VMP1: variants seen among roughly 807,000 people sequenced by gnomAD.
VMP1 encodes the protein vacuole membrane protein 1, also known as ectopic P-granules autophagy protein 3 homolog.
Under a neutral mutation model 56.0 loss-of-function variants are expected in VMP1, and 11 were observed. The ratio of observed to expected loss-of-function variants is 0.20; its 90% confidence interval spans 0.12 to 0.32. VMP1 has a LOEUF of 0.32. Among genes scored for constraint, VMP1 ranks in the 10% least tolerant of loss-of-function variants. The pLI, the probability that VMP1 is intolerant of heterozygous loss-of-function variation, is 1.00. For missense variants in VMP1, 296 were observed against 490.3 expected (o/e 0.60, Z 3.74); for synonymous variants, 149 against 165.0 (o/e 0.90, Z 0.74).
intron 10 of VMP1, among the ~76,000 whole-genome samples, chr17:59,823,620 A>G (rs1013494396): frequency 1.3e-5 from 2 of 151,058 alleles, no homozygotes; most frequent in African/African-American, 4.9e-5. Flanking sequence ...GGTGTGGTGG[A>G]CGGCACCTGT....
intron 5 of VMP1, among the ~76,000 whole-genome samples, chr17:59,749,433 CTAAAGGGCCACACTT>C (rs1298796424): frequency 6.6e-6 from 1 of 151,910 alleles, no homozygotes; most frequent in African/African-American, 2.4e-5. Flanking sequence ...AATTTGAACT[CTAAAGGGCCACACTT>C]TAAAAGATGT....
intron 7 of VMP1, among the ~76,000 whole-genome samples, chr17:59,805,758 A>G (rs2144196817): frequency 6.6e-6 from 1 of 152,200 alleles, no homozygotes; most frequent in Admixed American, 6.5e-5. Context: ...TAATGTAGAA[A>G]AACTAATTTT....
chr17:59,756,641 T>G (rs1009662673), intron 5 of VMP1, among the ~76,000 whole-genome samples: 1 of 152,214 alleles, frequency 6.6e-6, no homozygotes, highest in Non-Finnish European at 1.5e-5. Flanking sequence ...GAAGAATGTC[T>G]GTCTGTCTGT....
chr17:59,777,875 T>G, intron 7 of VMP1, among the ~76,000 whole-genome samples: 1 of 152,070 alleles, frequency 6.6e-6, no homozygotes, highest in East Asian at 1.9e-4. Flanking sequence ...TAAAGTGTAC[T>G]CTGATAGGTG....
intron 5 of VMP1, among the ~76,000 whole-genome samples, chr17:59,751,860 G>T (rs2143912162): frequency 6.6e-6 from 1 of 151,996 alleles, no homozygotes; most frequent in East Asian, 1.9e-4. Flanking sequence ...CTGTTGCCAG[G>T]CTGGAGTACA....
At chr17:59,816,033 G>A (rs2038219648) in intron 9 of VMP1, among the ~76,000 whole-genome samples, 3 of 152,032 alleles carry the variant, frequency 2.0e-5, no homozygotes, top group Admixed American at 6.6e-5. Context: ...TCCGTGGTCT[G>A]TGCCTTTTAT....
At chr17:59,825,347 C>T (rs1188979911) in intron 10 of VMP1, among the ~76,000 whole-genome samples, 2 of 151,980 alleles carry the variant, frequency 1.3e-5, no homozygotes, top group African/African-American at 4.8e-5. Context: ...GCTGGGATTA[C>T]AGGCATAAGC....
intron 5 of VMP1, among the ~76,000 whole-genome samples, chr17:59,742,178 AAAGGACTGAG>A (rs2035250548): frequency 6.6e-6 from 1 of 152,068 alleles, no homozygotes; most frequent in Non-Finnish European, 1.5e-5. Flanking sequence ...GGAAATTTAT[AAAGGACTGAG>A]AACGCCTACA....
At chr17:59,774,238 C>T (rs1217329526) in intron 7 of VMP1, among the ~76,000 whole-genome samples, 2 of 152,056 alleles carry the variant, frequency 1.3e-5, no homozygotes, top group Non-Finnish European at 2.9e-5. Context: ...AATAATAGAA[C>T]TTCTGAATTA....
At chr17:59,795,749 A>G (rs2037417835) in intron 7 of VMP1, among the ~76,000 whole-genome samples, 1 of 152,186 alleles carries the variant, frequency 6.6e-6, no homozygotes, top group African/African-American at 2.4e-5. Flanking sequence ...GCTTATCATA[A>G]GGTCTGATTG....
At chr17:59,714,716 T>G (rs1031096536) in intron 1 of VMP1, among the ~76,000 whole-genome samples, 5 of 152,102 alleles carry the variant, frequency 3.3e-5, no homozygotes, top group Non-Finnish European at 5.9e-5. Context: ...GGCTAGATTG[T>G]TAGATTGCAG....
intron 7 of VMP1, among the ~76,000 whole-genome samples, chr17:59,805,750 A>G (rs2037823051): frequency 6.6e-6 from 1 of 152,044 alleles, no homozygotes; most frequent in African/African-American, 2.4e-5. Flanking sequence ...ATACCATTTA[A>G]TGTAGAAAAA....
intron 5 of VMP1, among the ~76,000 whole-genome samples, chr17:59,763,300 G>C (rs1277746165): frequency 6.6e-6 from 1 of 151,772 alleles, no homozygotes; most frequent in Non-Finnish European, 1.5e-5. Context: ...GAAATCTCTT[G>C]TGTGCACCTG....
rs1296238370 is a variant in VMP1 at position 59,801,112 on chromosome 17, A to ATATGTGTG, written c.715-7683_715-7682insATGTGTGT. ...AAAAAATATATATATATATATATATATGTGTGTGTGTGTGTGTGTGTGTGT... is the reference window on the plus strand; with the variant it reads ...AAAAAATATATATATATATATATATATATGTGTGTGTGTGTGTGTGTGTGTGTGTGTGT... On this transcript the variant is annotated intron_variant, in intron 7 of 11. Coordinates refer to ENST00000262291, the MANE Select transcript of VMP1 (RefSeq NM_030938.5). 9.6e-4 allele frequency among the ~76,000 whole-genome samples: 106 copies of ATATGTGTG among 110,318 alleles called. 1 individual carries two copies. The highest frequency in any genetic ancestry group is 4.4e-3 in the African/African-American group (100 of 22,728). 72.4% of individuals were successfully genotyped at this position (110,318 alleles called of 152,430 possible). A position where few individuals can be genotyped will look rare whatever the true frequency, so the allele number is the denominator to read the frequency against.
intron 10 of VMP1, among the ~76,000 whole-genome samples, chr17:59,836,857 A>C (rs1260961946): frequency 6.6e-6 from 1 of 151,120 alleles, no homozygotes; most frequent in South Asian, 2.1e-4. Flanking sequence ...AATAGCAAAA[A>C]CTCTTCTATT....
rs536985526 is a variant in VMP1 at position 59,784,100 on chromosome 17, AGTGTGTGTGT to A, written c.714+10249_714+10258del. 2.1e-4 allele frequency among the ~76,000 whole-genome samples: 29 copies of A among 139,102 alleles called. 1 individual carries two copies. Among genetic ancestry groups the A allele is most frequent in the Admixed American group, 2.2e-4 (3 of 13,530 alleles). The allele number at this position is 139,102 out of a possible 152,430, so 91.3% of individuals were successfully genotyped here. ...AACTGCCAGAATACCCATCAAAAAG[AGTGTGTGTGT>A]GTGTGTGTGTGTGTGTGTGTGTGTG... On this transcript the variant is annotated intron_variant, in intron 7 of 11. Transcript: ENST00000262291.
intron 7 of VMP1, among the ~76,000 whole-genome samples, chr17:59,779,086 A>G (rs554039161): frequency 1.8e-4 from 28 of 152,328 alleles, no homozygotes; most frequent in Middle Eastern, 3.4e-3. Flanking sequence ...GATGTATTCA[A>G]TGCATTTTTG....
At chr17:59,750,450 C>T (rs2035596953) in intron 5 of VMP1, among the ~76,000 whole-genome samples, 1 of 151,842 alleles carries the variant, frequency 6.6e-6, no homozygotes, top group Non-Finnish European at 1.5e-5. Flanking sequence ...TATAGGTGTC[C>T]ACCACCACAC....
At chr17:59,735,263 T>C in intron 2 of VMP1, 75 bp from the exon 3 acceptor site, 1 of 1,540,092 alleles carries the variant, frequency 6.5e-7, no homozygotes, top group Non-Finnish European at 8.8e-7. Flanking sequence ...AAAACTCTTT[T>C]CATCTAAAGT....
Sources: gnomAD v4.1 joint callset for allele counts (sites outside exome capture counted in the v4.1 genomes callset) on GRCh38, gnomAD v4.1.1 for gene constraint, MANE v1.5 for transcripts, NCBI Gene and HGNC (gene_info 2026-07-23, HGNC 2026-07-21) for gene names.